The following NOX4 variants were observed in gnomAD, a reference collection of about 807,000 sequenced individuals.
NOX4 encodes the protein kidney oxidase-1.
Under a neutral mutation model 87.6 loss-of-function variants are expected in NOX4, and 69 were observed. The ratio of observed to expected loss-of-function variants is 0.79; its 90% CI spans 0.65 to 0.96. The LOEUF is 0.96. Ranked by LOEUF, NOX4 falls within the 40% of genes least tolerant of loss-of-function variation. NOX4 has a pLI of 0.00. For synonymous variants in NOX4, 275 were observed against 238.2 expected (o/e 1.15, Z -1.42); for missense variants, 680 against 681.5 (o/e 1.00, Z 0.02).
chr11:89,451,497 C>CTAACAA (rs1265968206), intron 3 of NOX4, among the ~76,000 whole-genome samples: 1 of 152,164 alleles, frequency 6.6e-6, no homozygotes, highest in African/African-American at 2.4e-5. Flanking sequence ...TGAAATGAAA[C>CTAACAA]TAACAATACC....
intron 1 of NOX4, 32 bp from the exon 2 acceptor site, chr11:89,490,585 A>T (rs1946810662): frequency 1.3e-6 from 2 of 1,492,524 alleles, no homozygotes; most frequent in South Asian, 2.3e-5. Flanking sequence ...GACAGAAAAC[A>T]AAAATTGAAA....
At chr11:89,376,303 A>G (rs1418315139) in intron 11 of NOX4, among the ~76,000 whole-genome samples, 1 of 152,240 alleles carries the variant, frequency 6.6e-6, no homozygotes, top group Admixed American at 6.5e-5. Flanking sequence ...TGAATTCAGT[A>G]TATGTGGTTT....
At chr11:89,403,980 T>C (rs1490896895) in intron 8 of NOX4, among the ~76,000 whole-genome samples, 2 of 152,072 alleles carry the variant, frequency 1.3e-5, no homozygotes, top group Non-Finnish European at 2.9e-5. Flanking sequence ...ATGAAGTCAT[T>C]AGGGAGCATT....
At chr11:89,329,024 T>C (rs1449814282) in intron 17 of NOX4, among the ~76,000 whole-genome samples, 2 of 151,920 alleles carry the variant, frequency 1.3e-5, no homozygotes. Context: ...CACCAGTCTG[T>C]GGTATATTGC....
At chr11:89,437,892 T>A (rs1046004095) in intron 6 of NOX4, among the ~76,000 whole-genome samples, 14 of 152,096 alleles carry the variant, frequency 9.2e-5, no homozygotes, top group African/African-American at 3.4e-4. Context: ...ATACTTTAAA[T>A]TATCTCTCGG....
In NOX4 at chr11:89,444,198, G is replaced by A. The variant is rs778156194; in HGVS notation, c.384C>T (p.Leu128=). 31 of 1,613,464 alleles carry A rather than the reference G, an allele frequency of 1.9e-5. No homozygotes were observed. The African/African-American group carries it at 3.6e-4, about 19-fold the overall frequency. The change falls in exon 5 of 18, where the codon CTC becomes CTT. Residue 128 remains leucine, a synonymous_variant. Transcript: ENST00000263317. Reference sequence around the variant, plus strand: ...CTTCACTGTAATTCACTGAGAAGTTGAGGGCATTCACCAGATGGGCAGCCA... The same window carrying A: ...CTTCACTGTAATTCACTGAGAAGTTAAGGGCATTCACCAGATGGGCAGCCA... The part of the protein sequence containing the change: ...VHVAAHLVNA[L]NFSVNYSEDF...
intron 12 of NOX4, among the ~76,000 whole-genome samples, chr11:89,365,991 C>A (rs1452687076): frequency 6.6e-6 from 1 of 151,974 alleles, no homozygotes; most frequent in Non-Finnish European, 1.5e-5. Context: ...GCAAGTGTAT[C>A]AAGAAAATGA....
chr11:89,384,636 T>G (rs1434457076), intron 11 of NOX4, among the ~76,000 whole-genome samples: 2 of 152,070 alleles, frequency 1.3e-5, no homozygotes, highest in Non-Finnish European at 2.9e-5. Context: ...TCCTAAATCC[T>G]TTCTCCACTC....
the NOX4 span, among the ~76,000 whole-genome samples, chr11:89,519,975 A>G: frequency 6.6e-6 from 1 of 152,030 alleles, no homozygotes; most frequent in Non-Finnish European, 1.5e-5. Context: ...ATTGGATATA[A>G]TAAAGTACCC....
At chr11:89,370,713 G>C (rs1387997343) in intron 12 of NOX4, among the ~76,000 whole-genome samples, 1 of 151,866 alleles carries the variant, frequency 6.6e-6, no homozygotes, top group East Asian at 1.9e-4. Flanking sequence ...ATGTTTTAAG[G>C]GTCTTCTAAA....
chr11:89,587,087 G>A, the NOX4 span, among the ~76,000 whole-genome samples: 8 of 152,108 alleles, frequency 5.3e-5, no homozygotes, highest in Admixed American at 4.6e-4. Context: ...CAAAGACACA[G>A]AAAAAATAAT....
chr11:89,438,358 T>C (rs1266702788), intron 6 of NOX4, among the ~76,000 whole-genome samples: 1 of 113,728 alleles, frequency 8.8e-6, no homozygotes, highest in African/African-American at 3.4e-5. Context: ...ATATACTATA[T>C]ATTATATAAT....
At position 89,421,854 on chromosome 11, in the gene NOX4, C is replaced by T. The variant is rs770611777; in HGVS notation, c.629+48G>A. 118 of 1,141,506 alleles carry T rather than the reference C, an allele frequency of 1.0e-4. 3 individuals carry two copies. The South Asian group carries it at 1.4e-3, about 14-fold the overall frequency. The allele number at this position is 1,141,506 out of a possible 1,614,324, so 70.7% of individuals were successfully genotyped here. The stretch of plus-strand genomic sequence containing the variant: ...TCCTATAGAGTTTTCTTTCATTACC[C>T]CATTTTGGGGCACAAATGGTTTTAA... On this transcript the variant is annotated intron_variant, in intron 8 of 17. Transcript: ENST00000263317.
chr11:89,413,071 A>T (rs1260153313), intron 8 of NOX4, among the ~76,000 whole-genome samples: 1 of 152,220 alleles, frequency 6.6e-6, no homozygotes, highest in Non-Finnish European at 1.5e-5. Flanking sequence ...CAGGTATATG[A>T]AAAGGTGCTC....
the NOX4 span, among the ~76,000 whole-genome samples, chr11:89,536,425 C>T: frequency 1.3e-5 from 2 of 152,042 alleles, no homozygotes; most frequent in African/African-American, 4.8e-5. Flanking sequence ...GGATTACAGG[C>T]GTGAGCCACC....
intron 13 of NOX4, among the ~76,000 whole-genome samples, chr11:89,352,618 T>C (rs977290376): frequency 6.6e-6 from 1 of 152,144 alleles, no homozygotes; most frequent in Admixed American, 6.6e-5. Context: ...TGAGCCCTCA[T>C]GGATAACTTT....
At chr11:89,577,244 G>A in the NOX4 span, 4 of 152,026 alleles carry the variant, frequency 2.6e-5, no homozygotes, top group Admixed American at 6.5e-5. Flanking sequence ...AAACAATTCT[G>A]TAGTTTTGAT....
At chr11:89,343,588 C>G (rs1188760974) in intron 13 of NOX4, among the ~76,000 whole-genome samples, 8 of 152,032 alleles carry the variant, frequency 5.3e-5, no homozygotes, top group Non-Finnish European at 1.0e-4. Context: ...ACGGAAACTA[C>G]TTAAACCACT....
chr11:89,405,279 A>G (rs774695860), intron 8 of NOX4, among the ~76,000 whole-genome samples: 39 of 152,076 alleles, frequency 2.6e-4, no homozygotes, highest in Non-Finnish European at 4.4e-5. Context: ...GGCCAGCCCA[A>G]TCAAACATTT....
Sources: allele counts gnomAD v4.1 joint callset (sites outside exome capture counted in the v4.1 genomes callset), GRCh38; gene constraint gnomAD v4.1.1; transcripts MANE v1.5; gene names NCBI Gene and HGNC (gene_info 2026-07-23, HGNC 2026-07-21).